ARHGEF26: variants seen among roughly 807,000 people sequenced by gnomAD.
The protein encoded by ARHGEF26 is Rho guanine nucleotide exchange factor (GEF) 26.
In ARHGEF26, 59 loss-of-function variants were observed where a neutral mutation model predicts 89.4. The ratio of observed to expected loss-of-function variants is 0.66; its 90% CI spans 0.54 to 0.82. The LOEUF (loss-of-function observed/expected upper bound fraction) is 0.82. ARHGEF26 is among the 40% of genes least tolerant of loss of function. The pLI is 0.00. For missense variants in ARHGEF26, 1,234 were observed against 1,085.6 expected, an observed-to-expected ratio of 1.14 and a Z score of -1.92; for synonymous variants, 500 against 428.4, an observed-to-expected ratio of 1.17 and a Z score of -2.06.
rs79482859 is a variant in ARHGEF26 at position 154,165,496 on chromosome 3, C to T, written c.1487+12564C>T. 3.3e-4 allele frequency among the ~76,000 whole-genome samples: 50 copies of T among 152,172 alleles called. No individual in the cohort carries two copies. In the East Asian group the frequency reaches 6.6e-3, roughly 20 times the overall value. The stretch of plus-strand genomic sequence containing the variant: ...TGCTGTTGAATAAAGCATATTTTTC[C>T]GGACTCTTTGAAGACCCCAATATTT... On this transcript the variant is annotated intron_variant, in intron 6 of 14. Transcript: ENST00000465093.
At chr3:154,177,519 G>A (rs1009577980) in intron 6 of ARHGEF26, among the ~76,000 whole-genome samples, 1 of 152,134 alleles carries the variant, frequency 6.6e-6, no homozygotes, top group African/African-American at 2.4e-5. Context: ...TGGGGTGGGG[G>A]ACATGTTGGC....
At chr3:154,164,693 A>C (rs1711893128) in intron 6 of ARHGEF26, among the ~76,000 whole-genome samples, 1 of 152,170 alleles carries the variant, frequency 6.6e-6, no homozygotes, top group Non-Finnish European at 1.5e-5. Flanking sequence ...AACAGGGCAC[A>C]ATAGGAATGT....
In ARHGEF26 at chr3:154,183,545, G is replaced by A. The variant is rs535910118; in HGVS notation, c.1488-4140G>A. Among the ~76,000 whole-genome samples, 17 of 152,176 alleles carry A rather than the reference G, an allele frequency of 1.1e-4. No individual in the cohort carries two copies. In the South Asian group the frequency reaches 2.5e-3, roughly 22 times the overall value. On this transcript the variant is annotated intron_variant, in intron 6 of 14. Coordinates refer to ENST00000465093, the MANE Select transcript of ARHGEF26 (RefSeq NM_015595.4). ...TGATTCACCGGCATTCTTGGTTCCC[G>A]AAATCATACCTCATTTTTTAGAAAT... is the stretch of plus-strand genomic sequence containing the variant.
chr3:154,192,451 CA>C (rs1714009585), intron 8 of ARHGEF26, among the ~76,000 whole-genome samples: 1 of 152,188 alleles, frequency 6.6e-6, no homozygotes, highest in Non-Finnish European at 1.5e-5. Flanking sequence ...GACGTTTTGT[CA>C]GGTATTTCAG....
chr3:154,170,338 G>T (rs1444991891), intron 6 of ARHGEF26, among the ~76,000 whole-genome samples: 3 of 152,180 alleles, frequency 2.0e-5, no homozygotes, highest in African/African-American at 7.2e-5. Context: ...ACTCCAGCCT[G>T]TGACAGAGTG....
intron 6 of ARHGEF26, among the ~76,000 whole-genome samples, chr3:154,179,493 A>C (rs1042184909): frequency 1.1e-4 from 16 of 152,014 alleles, no homozygotes; most frequent in African/African-American, 3.9e-4. Context: ...GTCCTGCAGC[A>C]GGGCCTTGAG....
chr3:154,172,889 G>A (rs1006644106), intron 6 of ARHGEF26, among the ~76,000 whole-genome samples: 11 of 152,066 alleles, frequency 7.2e-5, no homozygotes, highest in African/African-American at 2.4e-4. Context: ...CATAAGTAAT[G>A]TCCCCATTTT....
chr3:154,218,017 G>T, intron 10 of ARHGEF26, 59 bp downstream of exon 10: 1 of 1,402,068 alleles, frequency 7.1e-7, no homozygotes, highest in Non-Finnish European at 9.9e-7. Flanking sequence ...AATAGAGAGA[G>T]ACAGTTGAGG....
At chr3:154,183,774 T>C (rs905190566) in intron 6 of ARHGEF26, among the ~76,000 whole-genome samples, 1 of 152,186 alleles carries the variant, frequency 6.6e-6, no homozygotes, top group African/African-American at 2.4e-5. Flanking sequence ...TATCGTACTT[T>C]GGCAAACCTT....
At position 154,152,832 on chromosome 3, in the gene ARHGEF26, C is replaced by T. The variant is rs1334766094; in HGVS notation, c.1387C>T (p.Arg463Ter). The T allele has an allele frequency of 5.1e-6, 8 of 1,573,300 alleles. No homozygotes were observed. Among genetic ancestry groups the T allele is most frequent in the East Asian group, 4.6e-5 (2 of 43,288 alleles). ...TTTACTCAGCTTGGAGATCTTGATACGAATGTTTAAAAATTCTAAAGAACT... is the reference window on the plus strand; with the variant it reads ...TTTACTCAGCTTGGAGATCTTGATATGAATGTTTAAAAATTCTAAAGAACT... ...SYLLSLEILI[R>*]MFKNSKELSD... Residue 463 changes from arginine to a stop codon, truncating the protein, a stop_gained, in exon 6 of 15, where the codon CGA becomes TGA. Coordinates refer to ENST00000465093, the MANE Select transcript of ARHGEF26 (RefSeq NM_015595.4). LOFTEE classifies it high-confidence loss of function.
intron 9 of ARHGEF26, among the ~76,000 whole-genome samples, chr3:154,202,622 TC>T (rs1447033008): frequency 3.3e-5 from 5 of 152,192 alleles, no homozygotes; most frequent in Non-Finnish European, 5.9e-5. Context: ...TATTGATTCT[TC>T]CTACCCATGA....
At position 154,149,402 on chromosome 3, in the gene ARHGEF26, G is replaced by T; in HGVS notation, c.1283G>T (p.Gly428Val). 1 of 1,607,078 alleles carries T rather than the reference G, an allele frequency of 6.2e-7. No individual in the cohort carries two copies. The highest frequency in any genetic ancestry group is 1.7e-5 in the Admixed American group (1 of 59,248). Residue 428 changes from glycine to valine, a missense_variant, in exon 5 of 15, where the codon GGA becomes GTA. Physicochemically the swap from Gly to Val is moderately radical, Grantham distance 109. Transcript: ENST00000465093. ...TTTTTCTCCTAGGTGAAAAGAAAGG[G>T]ATTATCTCAGACAGTAAGCCAGGAG... ...WSQLSAVKRK[G>V]LSQTVSQEER... is the part of the protein sequence containing the mutation.
chr3:154,184,760 C>G (rs112953760), intron 6 of ARHGEF26, among the ~76,000 whole-genome samples: 3,276 of 152,316 alleles, frequency 0.022, 63 homozygotes, highest in Non-Finnish European at 0.032. Flanking sequence ...CATCCTTGCT[C>G]TGCTCCAGTT....
At chr3:154,227,304 T>C (rs1308235248) in intron 11 of ARHGEF26, among the ~76,000 whole-genome samples, 3 of 151,326 alleles carry the variant, frequency 2.0e-5, no homozygotes. Context: ...TTTTTTTTTT[T>C]TTTTTTTTTG....
intron 12 of ARHGEF26, among the ~76,000 whole-genome samples, chr3:154,249,860 G>A (rs772061122): frequency 1.2e-4 from 18 of 152,274 alleles, no homozygotes; most frequent in East Asian, 1.2e-3. Flanking sequence ...ATATCGATAC[G>A]TCCCTGGAGA....
intron 9 of ARHGEF26, among the ~76,000 whole-genome samples, chr3:154,207,594 A>T (rs146656869): frequency 1.7e-3 from 266 of 152,224 alleles, no homozygotes; most frequent in African/African-American, 6.1e-3. Flanking sequence ...AAATTCAAAA[A>T]ATAACATGCT....
At chr3:154,128,096 C>T (rs1718448483) in intron 3 of ARHGEF26, among the ~76,000 whole-genome samples, 1 of 152,030 alleles carries the variant, frequency 6.6e-6, no homozygotes, top group Non-Finnish European at 1.5e-5. Flanking sequence ...CTATATAAAT[C>T]CTTCAGTTTG....
intron 3 of ARHGEF26, among the ~76,000 whole-genome samples, 195 bp downstream of exon 3, chr3:154,124,644 A>C (rs1396038669): frequency 6.6e-6 from 1 of 152,040 alleles, no homozygotes; most frequent in African/African-American, 2.4e-5. Flanking sequence ...AGTTAATGGC[A>C]TTTTTTATAG....
In ARHGEF26 at chr3:154,256,741, A is replaced by T. The variant is rs1718543021; in HGVS notation, c.*1268A>T. On this transcript the variant is annotated 3_prime_UTR_variant, in exon 15 of 15. Coordinates refer to ENST00000465093, the MANE Select transcript of ARHGEF26 (RefSeq NM_015595.4). The stretch of plus-strand genomic sequence containing the variant: ...CCTTAAAAGATACCAAGAAGTCAGC[A>T]TGGTACCCAATTGAAACCTTTTGAC... 3 of 1,410,488 alleles carry T rather than the reference A, an allele frequency of 2.1e-6. No individual in the cohort carries two copies. In the South Asian group the frequency reaches 5.0e-5, roughly 24 times the overall value. 87.4% of individuals were successfully genotyped at this position (1,410,488 alleles called of 1,614,324 possible). A position where few individuals can be genotyped will look rare whatever the true frequency, so the allele number is the denominator to read the frequency against.
Sources: allele counts gnomAD v4.1 joint callset (sites outside exome capture counted in the v4.1 genomes callset), GRCh38; gene constraint gnomAD v4.1.1; transcripts MANE v1.5; gene names NCBI Gene and HGNC (gene_info 2026-07-23, HGNC 2026-07-21).